Variants in CSMD1 observed in about 807,000 individuals in gnomAD.
The protein encoded by CSMD1 is CUB and sushi domain-containing protein 1.
Under a neutral mutation model 417.5 loss-of-function variants are expected in CSMD1, and 213 were observed. That is an observed-to-expected ratio of 0.51 (90% confidence interval 0.46 to 0.57). The LOEUF is 0.57. Among genes scored for constraint, CSMD1 ranks in the 20% least tolerant of loss-of-function variants. The probability of loss-of-function intolerance (pLI) is 0.00; values close to 1 mark genes in which losing one functional copy is unlikely to be tolerated. For missense variants in CSMD1, 6,923 were observed against 4,529.7 expected (o/e 1.53, Z -15.17); for synonymous variants, 2,862 against 1,736.8 (o/e 1.65, Z -16.11).
chr8:4,164,766 C>T (rs557708477), intron 3 of CSMD1, among the ~76,000 whole-genome samples: 1 of 151,886 alleles, frequency 6.6e-6, no homozygotes, highest in African/African-American at 2.4e-5. Context: ...GTCCTAGCTA[C>T]CTGGGAGGCG....
At chr8:3,732,817 T>C (rs1584917534) in intron 6 of CSMD1, among the ~76,000 whole-genome samples, 2 of 152,322 alleles carry the variant, frequency 1.3e-5, no homozygotes, top group Middle Eastern at 3.4e-3. Context: ...TGGCCTCATC[T>C]CAGGTATTTA....
At chr8:3,672,322 T>A (rs781683810) in intron 7 of CSMD1, among the ~76,000 whole-genome samples, 1 of 150,130 alleles carries the variant, frequency 6.7e-6, no homozygotes, top group Non-Finnish European at 1.5e-5. Context: ...GTTCTCCCAA[T>A]GGCTTCTGAC....
intron 6 of CSMD1, among the ~76,000 whole-genome samples, chr8:3,734,344 G>C (rs1182684432): frequency 6.6e-6 from 1 of 152,128 alleles, no homozygotes; most frequent in East Asian, 1.9e-4. Context: ...GACTGATGAG[G>C]GCTGTTCGAC....
intron 5 of CSMD1, among the ~76,000 whole-genome samples, chr8:3,904,349 G>A (rs765349262): frequency 2.0e-5 from 3 of 152,086 alleles, no homozygotes; most frequent in Non-Finnish European, 4.4e-5. Flanking sequence ...TAGAAAATAT[G>A]TGACAGATTC....
At chr8:4,751,117 G>A (rs1458391920) in intron 1 of CSMD1, among the ~76,000 whole-genome samples, 1 of 152,222 alleles carries the variant, frequency 6.6e-6, no homozygotes, top group Non-Finnish European at 1.5e-5. Flanking sequence ...GGGAGCAGTG[G>A]CTCAGGCCTG....
At chr8:4,314,990 T>C (rs1415419097) in intron 3 of CSMD1, among the ~76,000 whole-genome samples, 3 of 152,122 alleles carry the variant, frequency 2.0e-5, no homozygotes, top group Admixed American at 1.3e-4. Flanking sequence ...ACATGGCTAA[T>C]AGTACTGACA....
chr8:3,664,376 T>C (rs1798574905), intron 7 of CSMD1, among the ~76,000 whole-genome samples: 1 of 152,222 alleles, frequency 6.6e-6, no homozygotes, highest in Non-Finnish European at 1.5e-5. Flanking sequence ...AATGAAGCTT[T>C]TTCTGCTCCT....
At chr8:3,654,138 A>C (rs1342771067) in intron 7 of CSMD1, among the ~76,000 whole-genome samples, 1 of 152,166 alleles carries the variant, frequency 6.6e-6, no homozygotes, top group African/African-American at 2.4e-5. Flanking sequence ...CCTCATCTTC[A>C]CAGGACACCC....
intron 7 of CSMD1, among the ~76,000 whole-genome samples, chr8:3,658,876 C>T (rs561626165): frequency 3.4e-4 from 52 of 152,246 alleles, no homozygotes; most frequent in Middle Eastern, 6.8e-3. Context: ...GGGGATGTTT[C>T]GAATGCCTTC....
chr8:4,948,709 T>C (rs1808535154), intron 1 of CSMD1, among the ~76,000 whole-genome samples: 1 of 152,148 alleles, frequency 6.6e-6, no homozygotes, highest in African/African-American at 2.4e-5. Context: ...ATCTTTTGAA[T>C]TTTCTATGTA....
At chr8:4,249,333 G>T (rs893093752) in intron 3 of CSMD1, among the ~76,000 whole-genome samples, 1 of 152,172 alleles carries the variant, frequency 6.6e-6, no homozygotes, top group African/African-American at 2.4e-5. Flanking sequence ...GTTTCTAAGA[G>T]GATGGAATAA....
At chr8:4,110,635 C>T (rs573624629) in intron 3 of CSMD1, among the ~76,000 whole-genome samples, 16 of 5,084 alleles carry the variant, frequency 3.1e-3, no homozygotes, top group South Asian at 0.05. Flanking sequence ...CTGATATATA[C>T]AGGTGTGTGT....
chr8:4,625,844 C>G (rs528241878), intron 2 of CSMD1, among the ~76,000 whole-genome samples: 1 of 152,088 alleles, frequency 6.6e-6, no homozygotes, highest in Non-Finnish European at 1.5e-5. Context: ...ATACCTGAGC[C>G]TCCCGAGTAG....
chr8:4,002,489 G>A (rs149317794), intron 4 of CSMD1, among the ~76,000 whole-genome samples: 3 of 152,106 alleles, frequency 2.0e-5, no homozygotes, highest in Admixed American at 6.5e-5. Flanking sequence ...TCTACAGGAT[G>A]ATCAATTTTA....
intron 3 of CSMD1, among the ~76,000 whole-genome samples, chr8:4,289,371 G>C (rs1563396095): frequency 1.3e-5 from 2 of 149,016 alleles, no homozygotes; most frequent in Non-Finnish European, 3.0e-5. Context: ...AGGTAAGATA[G>C]ATTAACATCG....
intron 3 of CSMD1, among the ~76,000 whole-genome samples, chr8:4,137,161 A>C (rs1803490552): frequency 6.6e-6 from 1 of 152,210 alleles, no homozygotes; most frequent in Non-Finnish European, 1.5e-5. Flanking sequence ...TAAATAGGTT[A>C]TCCATTTCCT....
intron 1 of CSMD1, among the ~76,000 whole-genome samples, chr8:4,882,287 C>T (rs1803456071): frequency 6.6e-6 from 1 of 151,794 alleles, no homozygotes; most frequent in Non-Finnish European, 1.5e-5. Flanking sequence ...CTCTCTAACT[C>T]ACGTGGCTGA....
intron 3 of CSMD1, among the ~76,000 whole-genome samples, chr8:4,223,258 C>G (rs1053305677): frequency 2.0e-5 from 3 of 152,146 alleles, no homozygotes; most frequent in African/African-American, 7.2e-5. Flanking sequence ...TTTCTATCAA[C>G]TGACATTCTG....
At chr8:4,361,555 C>T (rs183662559) in intron 3 of CSMD1, among the ~76,000 whole-genome samples, 4 of 152,290 alleles carry the variant, frequency 2.6e-5, no homozygotes, top group South Asian at 2.1e-4. Flanking sequence ...GTTAAAAAGT[C>T]GTAGAGTTCA....
Sources: allele counts gnomAD v4.1 joint callset (sites outside exome capture counted in the v4.1 genomes callset), GRCh38; gene constraint gnomAD v4.1.1; transcripts MANE v1.5; gene names NCBI Gene and HGNC (gene_info 2026-07-23, HGNC 2026-07-21).